Variants in CDH12 observed in about 807,000 individuals in gnomAD.
CDH12 encodes cadherin 12.
CDH12 carries 41 observed loss-of-function variants against 74.1 expected under a neutral mutation model. The observed-to-expected ratio is 0.55, with a 90% confidence interval of 0.43 to 0.72. CDH12 has a LOEUF of 0.72. Ranked by LOEUF, CDH12 falls within the 30% of genes least tolerant of loss-of-function variation. The probability of loss-of-function intolerance (pLI) is 0.00; values close to 1 mark genes in which losing one functional copy is unlikely to be tolerated. For synonymous variants in CDH12, 399 were observed against 355.0 expected (o/e 1.12, Z -1.39); for missense variants, 945 against 977.2 (o/e 0.97, Z 0.44).
chr5:22,487,667 T>C (rs910691887), intron 2 of CDH12, among the ~76,000 whole-genome samples: 2 of 152,182 alleles, frequency 1.3e-5, no homozygotes, highest in African/African-American at 4.8e-5. Context: ...ATATCAAAAA[T>C]ATTCATTGCT....
chr5:22,182,770 G>C (rs1228160891), intron 4 of CDH12, among the ~76,000 whole-genome samples: 1 of 151,776 alleles, frequency 6.6e-6, no homozygotes, highest in African/African-American at 2.4e-5. Flanking sequence ...TTTCTGACTG[G>C]CTGGGCTGGA....
intron 1 of CDH12, among the ~76,000 whole-genome samples, chr5:22,659,478 C>A (rs943153223): frequency 6.6e-6 from 1 of 152,004 alleles, no homozygotes; most frequent in African/African-American, 2.4e-5. Context: ...TATCTATTTG[C>A]ATACATTATA....
At chr5:22,244,352 G>T (rs1367935627) in intron 3 of CDH12, among the ~76,000 whole-genome samples, 1 of 151,618 alleles carries the variant, frequency 6.6e-6, no homozygotes, top group African/African-American at 2.4e-5. Flanking sequence ...TAGCCTAGCT[G>T]GGTGTGGTGG....
intron 4 of CDH12, among the ~76,000 whole-genome samples, chr5:22,102,921 G>T (rs1484949929): frequency 6.6e-6 from 1 of 152,084 alleles, no homozygotes; most frequent in African/African-American, 2.4e-5. Flanking sequence ...AGACAGATCA[G>T]CTCCCCTTTA....
intron 2 of CDH12, among the ~76,000 whole-genome samples, chr5:22,501,744 A>AT (rs1307484323): frequency 2.0e-5 from 2 of 97,934 alleles, no homozygotes; most frequent in African/African-American, 5.2e-5. Flanking sequence ...TACAAAGTAT[A>AT]TTAAAAAAAA....
intron 5 of CDH12, among the ~76,000 whole-genome samples, chr5:22,001,545 T>C (rs1736602787): frequency 6.6e-6 from 1 of 152,076 alleles, no homozygotes; most frequent in Non-Finnish European, 1.5e-5. Context: ...TGCAGGTAAA[T>C]TGAGTGTCAT....
rs371867781 is a variant in CDH12 at position 21,975,216 on chromosome 5, A to T, written c.401T>A (p.Ile134Lys). The change falls in exon 6 of 15, where the codon ATA (isoleucine) becomes AAA (lysine). Residue 134 changes from isoleucine (I) to lysine (K), a missense_variant. Physicochemically the swap from Ile to Lys is moderately radical, Grantham distance 102. This residue lies in a region of CDH12 where 148 missense variants were observed against 162.8 expected (regional missense o/e 0.91). Transcript: ENST00000382254. Reference protein sequence around the residue: ...FYTLRAQAVDIETRKPLEPES... With the variant: ...FYTLRAQAVDKETRKPLEPES... ...AGGCTCCAGGGGCTTTCTGGTTTCT[A>T]TGTCCACAGCCTGAGCACGAAGAGT... The T allele has an allele frequency of 5.6e-6, 9 of 1,597,134 alleles. No homozygotes were observed. Among genetic ancestry groups the T allele is most frequent in the Non-Finnish European group, 7.6e-6 (9 of 1,179,632 alleles).
chr5:22,477,982 C>T (rs1318169080), intron 2 of CDH12, among the ~76,000 whole-genome samples: 1 of 152,082 alleles, frequency 6.6e-6, no homozygotes, highest in African/African-American at 2.4e-5. Flanking sequence ...GATCAGGTTA[C>T]TTTAAACATA....
chr5:22,361,811 C>G (rs1320022852), intron 3 of CDH12, among the ~76,000 whole-genome samples: 1 of 152,004 alleles, frequency 6.6e-6, no homozygotes, highest in Admixed American at 6.6e-5. Flanking sequence ...ACAAACTTGA[C>G]AAAAACAAGC....
chr5:22,732,322 T>G (rs1744467083), intron 1 of CDH12, among the ~76,000 whole-genome samples: 1 of 151,840 alleles, frequency 6.6e-6, no homozygotes, highest in South Asian at 2.1e-4. Context: ...AATGACCTAA[T>G]TCAAACTTAA....
At position 22,394,928 on chromosome 5, in the gene CDH12, G is replaced by A. The variant is rs567635798; in HGVS notation, c.-333+10329C>T. Among the ~76,000 whole-genome samples, 26 of 152,164 alleles carry A rather than the reference G, an allele frequency of 1.7e-4. No homozygotes were observed. In the South Asian group the frequency reaches 1.9e-3, roughly 11 times the overall value. Reference sequence around the variant, plus strand: ...ATGGATTTAGACTTCCAAGTATGCCGGGATAGGTTGGCTATTGTTGCATAT... The same window carrying A: ...ATGGATTTAGACTTCCAAGTATGCCAGGATAGGTTGGCTATTGTTGCATAT... On this transcript the variant is annotated intron_variant, in intron 3 of 14. Coordinates refer to ENST00000382254, the MANE Select transcript of CDH12 (RefSeq NM_004061.5).
chr5:22,271,723 C>T, intron 3 of CDH12, among the ~76,000 whole-genome samples: 1 of 152,232 alleles, frequency 6.6e-6, no homozygotes, highest in East Asian at 1.9e-4. Context: ...TAATCTATTG[C>T]TACATTTCCA....
At chr5:22,061,475 A>C (rs1741184520) in intron 5 of CDH12, among the ~76,000 whole-genome samples, 1 of 152,154 alleles carries the variant, frequency 6.6e-6, no homozygotes, top group Admixed American at 6.6e-5. Context: ...GCATATAGTC[A>C]TGAATTCAAA....
At chr5:22,502,190 G>T (rs1736190624) in intron 2 of CDH12, among the ~76,000 whole-genome samples, 2 of 152,106 alleles carry the variant, frequency 1.3e-5, no homozygotes. Flanking sequence ...GGCACCCAGT[G>T]GGAGGTAATT....
In CDH12 at chr5:22,460,538, C is replaced by A. The variant is rs376912277; in HGVS notation, c.-428+44732G>T. 3.9e-5 allele frequency among the ~76,000 whole-genome samples: 6 copies of A among 152,164 alleles called. No homozygotes were observed. The East Asian group carries it at 1.2e-3, about 29-fold the overall frequency. On this transcript the variant is annotated intron_variant, in intron 2 of 14. Coordinates refer to ENST00000382254, the MANE Select transcript of CDH12 (RefSeq NM_004061.5). Reference sequence around the variant, plus strand: ...TCAAAAATTACTCATTATTTAATAACTGCAAATAAAAACGAAAGTGGGATC... The same window carrying A: ...TCAAAAATTACTCATTATTTAATAAATGCAAATAAAAACGAAAGTGGGATC...
intron 1 of CDH12, among the ~76,000 whole-genome samples, chr5:22,548,561 T>C (rs907505594): frequency 2.6e-5 from 4 of 152,122 alleles, no homozygotes; most frequent in Admixed American, 2.6e-4. Flanking sequence ...TGAACTAGGC[T>C]GTTGAAGCCA....
At chr5:21,862,909 A>C (rs1751121124) in intron 6 of CDH12, among the ~76,000 whole-genome samples, 1 of 152,102 alleles carries the variant, frequency 6.6e-6, no homozygotes, top group Non-Finnish European at 1.5e-5. Flanking sequence ...TGGAAAGCTG[A>C]AATGAATCCT....
intron 1 of CDH12, among the ~76,000 whole-genome samples, chr5:22,526,206 C>T (rs1342485523): frequency 6.6e-6 from 1 of 151,696 alleles, no homozygotes; most frequent in Admixed American, 6.6e-5. Context: ...GTTCTGTTTA[C>T]AAAAGAAAAA....
intron 8 of CDH12, among the ~76,000 whole-genome samples, chr5:21,829,019 G>A (rs1404899822): frequency 6.6e-6 from 1 of 151,454 alleles, no homozygotes; most frequent in Non-Finnish European, 1.5e-5. Flanking sequence ...TACCTCTCTG[G>A]GCGCAGTGGC....
Sources: allele counts gnomAD v4.1 joint callset (sites outside exome capture counted in the v4.1 genomes callset), GRCh38; gene constraint gnomAD v4.1.1; regional missense constraint gnomAD v4.1.1; transcripts MANE v1.5; gene names NCBI Gene and HGNC (gene_info 2026-07-23, HGNC 2026-07-21).